The following PLPP1 variants were observed in gnomAD, a reference collection of about 807,000 sequenced individuals.
The protein encoded by PLPP1 is lipid phosphate phosphohydrolase 1a.
A neutral mutation model predicts 31.2 loss-of-function variants in PLPP1; 24 were observed. The observed-to-expected ratio is 0.77, with a 90% CI of 0.56 to 1.08. The LOEUF (loss-of-function observed/expected upper bound fraction) is 1.08. Among genes scored for constraint, PLPP1 ranks in the 50% least tolerant of loss-of-function variants. PLPP1 has a pLI of 0.00. For missense variants in PLPP1, 319 were observed against 342.7 expected (o/e 0.93, Z 0.55); for synonymous variants, 146 against 126.3 (o/e 1.16, Z -1.05).
chr5:55,485,749 G>T (rs1020978740), intron 1 of PLPP1, among the ~76,000 whole-genome samples: 8 of 151,968 alleles, frequency 5.3e-5, no homozygotes, highest in Non-Finnish European at 1.5e-5. Context: ...CAGAAAGAAC[G>T]ATTACTATTC....
At chr5:55,529,849 G>A (rs1740598309) in intron 1 of PLPP1, among the ~76,000 whole-genome samples, 1 of 152,046 alleles carries the variant, frequency 6.6e-6, no homozygotes, top group Non-Finnish European at 1.5e-5. Context: ...AATTTCAAAA[G>A]CAACATAATG....
intron 4 of PLPP1, 62 bp downstream of exon 4, chr5:55,441,789 T>C: frequency 6.6e-7 from 1 of 1,523,368 alleles, no homozygotes. Flanking sequence ...AGGACACTGA[T>C]GCTGAGCACA....
intron 1 of PLPP1, among the ~76,000 whole-genome samples, chr5:55,514,587 A>C (rs1255301267): frequency 6.6e-6 from 1 of 152,240 alleles, no homozygotes. Context: ...GGTGTGTCTC[A>C]GAAGGAAAAC....
intron 4 of PLPP1, among the ~76,000 whole-genome samples, chr5:55,439,289 AT>A (rs1751566761): frequency 6.6e-6 from 1 of 152,132 alleles, no homozygotes; most frequent in Admixed American, 6.5e-5. Context: ...CTGCAGCCAT[AT>A]TTCAACCACT....
chr5:55,467,085 T>A (rs534245365), intron 3 of PLPP1, among the ~76,000 whole-genome samples: 14 of 152,224 alleles, frequency 9.2e-5, no homozygotes, highest in African/African-American at 2.4e-5. Flanking sequence ...AGGAGCCCAA[T>A]AAGGGCGTTA....
At chr5:55,527,112 A>T (rs1383162015) in intron 1 of PLPP1, among the ~76,000 whole-genome samples, 1 of 152,124 alleles carries the variant, frequency 6.6e-6, no homozygotes, top group African/African-American at 2.4e-5. Context: ...GTTACGAGAA[A>T]AGGGAAGGCA....
intron 1 of PLPP1, chr5:55,491,212 T>C: frequency 7.4e-7 from 1 of 1,348,304 alleles, no homozygotes; most frequent in South Asian, 1.5e-5. Context: ...TAGCCATATT[T>C]TGCCCTCTCT....
intron 3 of PLPP1, among the ~76,000 whole-genome samples, chr5:55,457,758 G>C (rs6887175): frequency 6.6e-6 from 1 of 151,758 alleles, no homozygotes; most frequent in Admixed American, 6.6e-5. Context: ...ACGTGGTGGC[G>C]GGCGCCTGTA....
chr5:55,473,377 G>A (rs1496451), intron 2 of PLPP1, among the ~76,000 whole-genome samples: 130,146 of 152,144 alleles, frequency 0.86, 56,151 homozygotes, highest in South Asian at 0.92. Context: ...GTGGACACAA[G>A]GATGAACAAG....
intron 1 of PLPP1, among the ~76,000 whole-genome samples, chr5:55,480,551 T>C (rs1254680748): frequency 6.6e-6 from 1 of 152,112 alleles, no homozygotes; most frequent in Non-Finnish European, 1.5e-5. Flanking sequence ...ATACAATATG[T>C]AGTATTTTAT....
rs570057859 is a variant in PLPP1, at chr5:55,510,551, C to T, written c.58+24021G>A. On this transcript the variant is annotated intron_variant, in intron 1 of 5. Coordinates refer to ENST00000307259, the MANE Select transcript of PLPP1 (RefSeq NM_003711.4). The stretch of plus-strand genomic sequence containing the variant: ...CTTACTATACATTTTTAAAACACAA[C>T]AATTAAATTTTAGCTTAAGCCTCAT... Among the ~76,000 whole-genome samples, 22 of 152,296 alleles carry T rather than the reference C, an allele frequency of 1.4e-4. No individual in the cohort carries two copies. The East Asian group carries it at 3.3e-3, about 23-fold the overall frequency.
At chr5:55,464,019 A>G (rs1752228941) in intron 3 of PLPP1, among the ~76,000 whole-genome samples, 1 of 151,990 alleles carries the variant, frequency 6.6e-6, no homozygotes, top group Non-Finnish European at 1.5e-5. Context: ...GAAACACACG[A>G]AAAGATGTTC....
intron 1 of PLPP1, among the ~76,000 whole-genome samples, chr5:55,477,282 T>C (rs953058688): frequency 2.6e-5 from 4 of 152,190 alleles, no homozygotes; most frequent in African/African-American, 9.6e-5. Context: ...GATTTTATTA[T>C]TGGCTGCCCC....
chr5:55,500,334 C>T (rs1222000850), intron 1 of PLPP1, among the ~76,000 whole-genome samples: 1 of 152,100 alleles, frequency 6.6e-6, no homozygotes, highest in African/African-American at 2.4e-5. Flanking sequence ...CTGCCTCAGC[C>T]TCCCAAAGTC....
intron 1 of PLPP1, among the ~76,000 whole-genome samples, chr5:55,492,709 G>A (rs1752921262): frequency 6.6e-6 from 1 of 152,194 alleles, no homozygotes; most frequent in Admixed American, 6.5e-5. Flanking sequence ...TTGCATGCTT[G>A]CACATGCTGG....
intron 3 of PLPP1, among the ~76,000 whole-genome samples, chr5:55,462,273 A>G (rs1561232145): frequency 6.6e-6 from 1 of 152,240 alleles, no homozygotes; most frequent in Non-Finnish European, 1.5e-5. Context: ...AAGCTGCAGT[A>G]TGGTATTCGC....
chr5:55,532,258 T>A (rs560233045), intron 1 of PLPP1, among the ~76,000 whole-genome samples: 242 of 152,334 alleles, frequency 1.6e-3, no homozygotes, highest in African/African-American at 5.7e-3. Flanking sequence ...ACCATATGGC[T>A]TTGTGTTTAA....
chr5:55,468,220 G>A, intron 2 of PLPP1, 71 bp from the exon 3 acceptor site: 1 of 1,342,434 alleles, frequency 7.4e-7, no homozygotes, highest in South Asian at 1.5e-5. Context: ...AAACATAGGG[G>A]GAAAAAAGGA....
intron 1 of PLPP1, among the ~76,000 whole-genome samples, chr5:55,476,453 C>T (rs1276319300): frequency 6.6e-6 from 1 of 152,116 alleles, no homozygotes; most frequent in Non-Finnish European, 1.5e-5. Flanking sequence ...AAATTTTTGC[C>T]TAAATGTGAA....
Sources: gnomAD v4.1 joint callset for allele counts (sites outside exome capture counted in the v4.1 genomes callset) on GRCh38, gnomAD v4.1.1 for gene constraint, MANE v1.5 for transcripts, NCBI Gene and HGNC (gene_info 2026-07-23, HGNC 2026-07-21) for gene names.